The following MS4A4E variants were observed in gnomAD, a reference collection of about 807,000 sequenced individuals.
MS4A4E encodes membrane spanning 4-domains A4E, also known as putative membrane-spanning 4-domains subfamily A member 4E.
A neutral mutation model predicts 13.3 loss-of-function variants in MS4A4E; 23 were observed. The ratio of observed to expected loss-of-function variants is 1.73; its 90% CI spans 1.25 to 2.45. The LOEUF is 2.45. MS4A4E is among the 30% of genes most tolerant of loss of function. The pLI, the probability that MS4A4E is intolerant of heterozygous loss-of-function variation, is 0.00. For synonymous variants in MS4A4E, 36 were observed against 45.6 expected (o/e 0.79, Z 0.85); for missense variants, 144 against 131.2 (o/e 1.10, Z -0.48).
chr11:60,207,372 T>C (rs982909780), intron 6 of MS4A4E, among the ~76,000 whole-genome samples: 1 of 152,174 alleles, frequency 6.6e-6, no homozygotes, highest in Non-Finnish European at 1.5e-5. Flanking sequence ...TTAAATATCA[T>C]GACATGAAAG....
At chr11:60,228,336 T>C (rs1299112545) in intron 3 of MS4A4E, among the ~76,000 whole-genome samples, 1 of 152,026 alleles carries the variant, frequency 6.6e-6, no homozygotes, top group Admixed American at 6.6e-5. Flanking sequence ...AATAAACATA[T>C]AAAAAGATGC....
chr11:60,218,635 A>G (rs969532237), intron 3 of MS4A4E, among the ~76,000 whole-genome samples: 3 of 151,980 alleles, frequency 2.0e-5, no homozygotes, highest in African/African-American at 7.2e-5. Flanking sequence ...CCTTCTCCTC[A>G]GGTGTTGCCA....
chr11:60,201,915 A>G (rs2083995177), intron 8 of MS4A4E, 36 bp from the exon 9 acceptor site: 1 of 166,006 alleles, frequency 6.0e-6, no homozygotes, highest in African/African-American at 2.4e-5. Context: ...AGTCCCAAGT[A>G]TACTGACTCT....
chr11:60,207,481 G>A (rs373682192), intron 6 of MS4A4E, among the ~76,000 whole-genome samples: 1 of 152,068 alleles, frequency 6.6e-6, no homozygotes, highest in Non-Finnish European at 1.5e-5. Flanking sequence ...GAGTTAATGC[G>A]CTATAGTCAA....
intron 1 of MS4A4E, among the ~76,000 whole-genome samples, chr11:60,242,228 C>T (rs907087028): frequency 3.3e-5 from 5 of 152,172 alleles, no homozygotes; most frequent in African/African-American, 1.2e-4. Context: ...CTTTTGTTAA[C>T]TTGTGTGATT....
chr11:60,236,676 T>A (rs1307566011), intron 1 of MS4A4E, among the ~76,000 whole-genome samples: 1 of 152,070 alleles, frequency 6.6e-6, no homozygotes, highest in Non-Finnish European at 1.5e-5. Context: ...CATGTGCAGG[T>A]TGGTCATACA....
intron 5 of MS4A4E, chr11:60,209,109 T>C (rs2084087114): frequency 6.6e-6 from 1 of 152,128 alleles, no homozygotes; most frequent in Non-Finnish European, 1.5e-5. Context: ...AGTCCCCTAA[T>C]CCTCAGCTTC....
chr11:60,237,635 A>T (rs1441466686), intron 1 of MS4A4E, among the ~76,000 whole-genome samples: 2 of 152,108 alleles, frequency 1.3e-5, no homozygotes, highest in Non-Finnish European at 2.9e-5. Context: ...ACTTTTTGTT[A>T]ATAGTCATTC....
At chr11:60,232,560 A>G (rs1395672418) in intron 1 of MS4A4E, among the ~76,000 whole-genome samples, 1 of 152,058 alleles carries the variant, frequency 6.6e-6, no homozygotes, top group Non-Finnish European at 1.5e-5. Flanking sequence ...TCCCATCACC[A>G]CCATAGACAC....
intron 5 of MS4A4E, among the ~76,000 whole-genome samples, chr11:60,209,533 G>A (rs1020346242): frequency 1.3e-5 from 2 of 152,198 alleles, no homozygotes; most frequent in Non-Finnish European, 2.9e-5. Context: ...ATTGTCTTGA[G>A]ACACTAAATG....
intron 8 of MS4A4E, among the ~76,000 whole-genome samples, chr11:60,202,731 A>G (rs931440230): frequency 1.3e-5 from 2 of 152,238 alleles, no homozygotes; most frequent in Non-Finnish European, 2.9e-5. Flanking sequence ...CTGTTCTGCC[A>G]TGTCATTCTC....
At chr11:60,212,227 T>C (rs2084131632) in intron 5 of MS4A4E, among the ~76,000 whole-genome samples, 2 of 152,058 alleles carry the variant, frequency 1.3e-5, no homozygotes, top group South Asian at 4.1e-4. Context: ...CATCCAAAGA[T>C]GTGGGAAAGG....
At chr11:60,239,829 C>T (rs902747213) in intron 1 of MS4A4E, among the ~76,000 whole-genome samples, 4 of 152,156 alleles carry the variant, frequency 2.6e-5, no homozygotes, top group Admixed American at 6.5e-5. Flanking sequence ...TTGGAGCAAA[C>T]GAATAAAATA....
At chr11:60,219,359 T>G (rs1447321832) in intron 3 of MS4A4E, among the ~76,000 whole-genome samples, 1 of 152,174 alleles carries the variant, frequency 6.6e-6, no homozygotes, top group Non-Finnish European at 1.5e-5. Context: ...AAGGTAGGCA[T>G]AGCTACCATA....
At chr11:60,230,523 G>A (rs2084395453) in intron 1 of MS4A4E, among the ~76,000 whole-genome samples, 1 of 152,122 alleles carries the variant, frequency 6.6e-6, no homozygotes, top group Admixed American at 6.6e-5. Flanking sequence ...CCAAAGCACA[G>A]CTAAATTCTC....
At chr11:60,204,542 C>G (rs1219439520) in intron 8 of MS4A4E, among the ~76,000 whole-genome samples, 1 of 152,190 alleles carries the variant, frequency 6.6e-6, no homozygotes, top group Non-Finnish European at 1.5e-5. Flanking sequence ...GAAATGATCT[C>G]CCTCTCTTTC....
chr11:60,212,157 G>A (rs1275839073), intron 5 of MS4A4E, among the ~76,000 whole-genome samples: 1 of 152,086 alleles, frequency 6.6e-6, no homozygotes, highest in Admixed American at 6.5e-5. Context: ...ATTCAGAATG[G>A]AGATTGAGAA....
chr11:60,205,974 T>A (rs1053504252), intron 6 of MS4A4E, among the ~76,000 whole-genome samples, 154 bp from the exon 7 acceptor site: 1 of 152,116 alleles, frequency 6.6e-6, no homozygotes, highest in African/African-American at 2.4e-5. Flanking sequence ...ATAGAAAATA[T>A]AAGTTGAATC....
chr11:60,208,501 T>A, intron 6 of MS4A4E, 92 bp downstream of exon 6: 1 of 392,908 alleles, frequency 2.5e-6, no homozygotes, highest in Non-Finnish European at 4.6e-6. Context: ...ATATAATGAA[T>A]GTGTACTGTG....
Sources: allele counts gnomAD v4.1 joint callset (sites outside exome capture counted in the v4.1 genomes callset), GRCh38; gene constraint gnomAD v4.1.1; transcripts MANE v1.5; gene names NCBI Gene and HGNC (gene_info 2026-07-23, HGNC 2026-07-21).